KCNIP1: variants seen among roughly 807,000 people sequenced by gnomAD.
KCNIP1 encodes the protein potassium voltage-gated channel interacting protein 1, also known as A-type potassium channel modulatory protein KCNIP1.
KCNIP1 carries 18 observed loss-of-function variants against 33.0 expected under a neutral mutation model. The ratio of observed to expected loss-of-function variants is 0.55; its 90% CI spans 0.38 to 0.81. The LOEUF (loss-of-function observed/expected upper bound fraction) is 0.81, where lower values mean the gene tolerates loss of function less well. Among genes scored for constraint, KCNIP1 ranks in the 30% least tolerant of loss-of-function variants. KCNIP1 has a pLI of 0.00. For synonymous variants in KCNIP1, 93 were observed against 98.3 expected, an observed-to-expected ratio of 0.95 and a Z score of 0.32; for missense variants, 238 against 271.6, an observed-to-expected ratio of 0.88 and a Z score of 0.87.
intron 3 of KCNIP1, 63 bp downstream of exon 3, chr5:170,720,453 T>C: frequency 7.9e-7 from 1 of 1,259,344 alleles, no homozygotes; most frequent in South Asian, 1.2e-5. Flanking sequence ...CTTCCCTTCC[T>C]CCAAGTCCTC....
chr5:170,358,700 G>T (rs971077193), intron 1 of KCNIP1, among the ~76,000 whole-genome samples: 1 of 152,314 alleles, frequency 6.6e-6, no homozygotes, highest in Admixed American at 6.5e-5. Context: ...ACCCGCCCCC[G>T]CTTACATTTT....
intron 2 of KCNIP1, 132 bp downstream of exon 2, chr5:170,719,014 G>A: frequency 1.7e-6 from 2 of 1,148,250 alleles, no homozygotes; most frequent in African/African-American, 1.6e-5. Context: ...TCTATAAAGG[G>A]GGCATGAGAG....
In KCNIP1 at chr5:170,544,322, A is replaced by G. The variant is rs756941669; in HGVS notation, c.61+39689A>G. On this transcript the variant is annotated intron_variant, in intron 1 of 7. Transcript: ENST00000328939. ...AGTAGTTCAGAATAGAAAGCTTACT[A>G]AGTTGATTCATTTAATGGTTACCCT... Among the ~76,000 whole-genome samples the G allele has an allele frequency of 5.2e-4, 79 of 152,276 alleles. 1 individual carries two copies. Among genetic ancestry groups the G allele is most frequent in the South Asian group, 2.1e-4 (1 of 4,830 alleles).
intron 1 of KCNIP1, among the ~76,000 whole-genome samples, chr5:170,551,292 C>T (rs1581312994): frequency 6.6e-6 from 1 of 152,336 alleles, no homozygotes; most frequent in South Asian, 2.1e-4. Context: ...ATCTGTATAA[C>T]CCTCACCACT....
intron 1 of KCNIP1, among the ~76,000 whole-genome samples, chr5:170,617,138 C>A (rs1183438759): frequency 2.2e-5 from 2 of 91,758 alleles, no homozygotes; most frequent in African/African-American, 8.6e-5. Flanking sequence ...AAAATAGGAA[C>A]ACAGGGTCCC....
At chr5:170,562,304 A>C (rs1388677527) in intron 1 of KCNIP1, among the ~76,000 whole-genome samples, 1 of 152,222 alleles carries the variant, frequency 6.6e-6, no homozygotes, top group Non-Finnish European at 1.5e-5. Context: ...CTAGGAGTGC[A>C]CAGGGGTTGG....
chr5:170,475,387 C>T (rs1265699739), intron 1 of KCNIP1, among the ~76,000 whole-genome samples: 1 of 152,186 alleles, frequency 6.6e-6, no homozygotes, highest in African/African-American at 2.4e-5. Context: ...AACAAAGCTT[C>T]GGAAGCTAGT....
chr5:170,382,325 C>A (rs962183220), intron 1 of KCNIP1, among the ~76,000 whole-genome samples: 1 of 152,118 alleles, frequency 6.6e-6, no homozygotes, highest in Non-Finnish European at 1.5e-5. Context: ...AGTGTTGGAC[C>A]CTAGTTTTGT....
chr5:170,616,136 T>C (rs1320163692), intron 1 of KCNIP1, among the ~76,000 whole-genome samples: 2 of 152,228 alleles, frequency 1.3e-5, no homozygotes, highest in African/African-American at 4.8e-5. Flanking sequence ...GGAACCCTTA[T>C]AGGCTCAAAT....
exon 1 of KCNIP1, chr5:170,353,693 C>A (rs1763270722): frequency 1.6e-6 from 1 of 615,012 alleles, no homozygotes; most frequent in South Asian, 1.9e-5. Flanking sequence ...GCCCTGCAGG[C>A]TCTCTGGATG....
At chr5:170,595,699 C>T (rs1313686960) in intron 1 of KCNIP1, among the ~76,000 whole-genome samples, 2 of 152,226 alleles carry the variant, frequency 1.3e-5, no homozygotes. Context: ...AATATTCTAT[C>T]CCATTTTACA....
chr5:170,633,741 G>C (rs1269225952), intron 1 of KCNIP1, among the ~76,000 whole-genome samples: 1 of 74,996 alleles, frequency 1.3e-5, no homozygotes, highest in East Asian at 6.8e-4. Context: ...GACGGAGGGG[G>C]GGGCGGGGGG....
intron 1 of KCNIP1, among the ~76,000 whole-genome samples, chr5:170,697,079 G>C (rs574885194): frequency 6.7e-6 from 1 of 150,280 alleles, no homozygotes; most frequent in African/African-American, 2.5e-5. Flanking sequence ...CCTCTCTCTC[G>C]CTGTCTCACA....
chr5:170,538,271 A>G (rs564708885), intron 1 of KCNIP1, among the ~76,000 whole-genome samples: 1 of 152,306 alleles, frequency 6.6e-6, no homozygotes, highest in South Asian at 2.1e-4. Context: ...TCTGAGGCAC[A>G]TGCCATCGGA....
intron 1 of KCNIP1, among the ~76,000 whole-genome samples, chr5:170,554,323 T>C (rs1581317792): frequency 6.6e-6 from 1 of 152,110 alleles, no homozygotes; most frequent in Middle Eastern, 3.4e-3. Flanking sequence ...GAGAGGAAGG[T>C]ACATTTTGCA....
chr5:170,512,412 G>A (rs964077906), intron 1 of KCNIP1, among the ~76,000 whole-genome samples: 3 of 152,188 alleles, frequency 2.0e-5, no homozygotes. Context: ...TTAGCCACAT[G>A]TTGGCCCAAA....
intron 1 of KCNIP1, among the ~76,000 whole-genome samples, chr5:170,498,965 A>C (rs1367850388): frequency 6.6e-6 from 1 of 151,944 alleles, no homozygotes; most frequent in Non-Finnish European, 1.5e-5. Flanking sequence ...CAGTTTGAGT[A>C]TTTGTAGCAC....
At chr5:170,577,954 C>G (rs1757660466) in intron 1 of KCNIP1, among the ~76,000 whole-genome samples, 1 of 151,986 alleles carries the variant, frequency 6.6e-6, no homozygotes, top group African/African-American at 2.4e-5. Flanking sequence ...CAATTTTTTG[C>G]TATCCTAAAA....
chr5:170,662,496 C>G (rs1243620933), intron 1 of KCNIP1, among the ~76,000 whole-genome samples: 2 of 152,186 alleles, frequency 1.3e-5, no homozygotes, highest in Admixed American at 1.3e-4. Context: ...AGATGCTAAT[C>G]TCTCGGAGAA....
Sources: gnomAD v4.1 joint callset for allele counts (sites outside exome capture counted in the v4.1 genomes callset) on GRCh38, gnomAD v4.1.1 for gene constraint, MANE v1.5 for transcripts, NCBI Gene and HGNC (gene_info 2026-07-23, HGNC 2026-07-21) for gene names.